Variants in ITM2A observed in about 807,000 individuals in gnomAD.
ITM2A encodes integral membrane protein 2A.
In ITM2A, 11 loss-of-function variants were observed where a neutral mutation model predicts 16.6. That is an observed-to-expected ratio of 0.66 (90% CI 0.42 to 1.10). The LOEUF (loss-of-function observed/expected upper bound fraction) is 1.10. Among genes scored for constraint, ITM2A ranks in the 50% least tolerant of loss-of-function variants. ITM2A has a pLI of 0.00. For missense variants in ITM2A, 243 were observed against 206.8 expected (o/e 1.17, Z -1.07); for synonymous variants, 102 against 71.2 (o/e 1.43, Z -2.18).
chrX:79,362,508 A>AT (rs1286201686), intron 4 of ITM2A, 73 bp downstream of exon 4: 10 of 551,869 alleles, frequency 1.8e-5, no homozygotes, highest in South Asian at 1.1e-4. Flanking sequence ...CAAATTCATT[A>AT]TTTTTTTAAA....
At position 79,361,389 on chromosome X, in the gene ITM2A, T is replaced by G; in HGVS notation, c.643A>C (p.Ile215Leu). 10 of 1,208,615 alleles carry G rather than the reference T, an allele frequency of 8.3e-6. No homozygotes were observed. The highest frequency in any genetic ancestry group is 1.1e-5 in the Non-Finnish European group (10 of 892,716). The change falls in exon 5 of 6, where the codon ATT (isoleucine) becomes CTT (leucine). Residue 215 changes from isoleucine to leucine, a missense_variant. Coordinates refer to ENST00000373298, the MANE Select transcript of ITM2A (RefSeq NM_004867.5). ...TTTCTGTTATTGCAAAGTTGGTAAATAAAGATGCCAAGGTTACTAACATCA... is the reference window on the plus strand; with the variant it reads ...TTTCTGTTATTGCAAAGTTGGTAAAGAAAGATGCCAAGGTTACTAACATCA... ...IRDVSNLGIF[I>L]YQLCNNRKSF...
Position 79,363,118 on chromosome X carries a change from T to A in ITM2A, c.265A>T (p.Met89Leu), listed in dbSNP as rs1175760518. The A allele has an allele frequency of 1.7e-6, 2 of 1,206,299 alleles. No individual in the cohort carries two copies. Among genetic ancestry groups the A allele is most frequent in the Admixed American group, 2.2e-5 (1 of 45,562 alleles). Residue 89 changes from methionine (M) to leucine (L), a missense_variant, in exon 3 of 6, where the codon ATG (methionine) becomes TTG (leucine). Met to Leu is a conservative substitution (Grantham distance 15). Coordinates refer to ENST00000373298, the MANE Select transcript of ITM2A (RefSeq NM_004867.5). ...GGATCCTCAGAATCAAAAAAGCACA[T>A]CTCTCCACGGTAAATGGTGCTCTAA... ...MPKSTIYRGE[M>L]CFFDSEDPAN...
chrX:79,362,503 T>A, intron 4 of ITM2A, 78 bp downstream of exon 4: 1 of 525,012 alleles, frequency 1.9e-6, no homozygotes, highest in Non-Finnish European at 3.1e-6. Flanking sequence ...TTGGACAAAT[T>A]CATTATTTTT....
rs1240620199 is a variant in ITM2A at position 79,363,155 on chromosome X, G to C, written c.244-16C>G. On this transcript the variant is annotated splice_polypyrimidine_tract_variant and intron_variant, in intron 2 of 5. Transcript: ENST00000373298. ...AAATGGTGCTCTAAAAGACAAAAAGGGAAAATTACAACCTTCTAATAATCA... is the reference window on the plus strand; with the variant it reads ...AAATGGTGCTCTAAAAGACAAAAAGCGAAAATTACAACCTTCTAATAATCA... 2.6e-6 allele frequency: 3 copies of C among 1,150,917 alleles called. No homozygotes were observed. In the Admixed American group the frequency reaches 6.9e-5, roughly 27 times the overall value. The allele number at this position is 1,150,917 out of a possible 1,213,427, so 94.8% of individuals were successfully genotyped here.
In ITM2A at chrX:79,367,295, G is replaced by T. The variant is rs1925610655; in HGVS notation, c.-80C>A. 1 of 595,939 alleles carries T rather than the reference G, an allele frequency of 1.7e-6. No individual in the cohort carries two copies. Among genetic ancestry groups the T allele is most frequent in the East Asian group, 3.6e-5 (1 of 27,656 alleles). The allele number at this position is 595,939 out of a possible 1,213,427, so 49.1% of individuals were successfully genotyped here. A position where few individuals can be genotyped will look rare whatever the true frequency, so the allele number is the denominator to read the frequency against. On this transcript the variant is annotated 5_prime_UTR_variant, in exon 1 of 6. Transcript: ENST00000373298. ...CAGACTGCAAGAGGAGATCCTGTTA[G>T]CCCAAACAGCACTTACTTTATCTTC...
rs1341501341 is a variant in ITM2A at position 79,361,342 on chromosome X, T to A, written c.690A>T (p.Arg230Ser). Residue 230 changes from arginine (R) to serine (S), a missense_variant, in exon 5 of 6, where the codon AGA becomes AGT. Coordinates refer to ENST00000373298, the MANE Select transcript of ITM2A (RefSeq NM_004867.5). ...TTAGTTACTTACCCAGCAAGAGGTCTCTGCGACGAAGGCGGAAGGACTTTC... is the reference window on the plus strand; with the variant it reads ...TTAGTTACTTACCCAGCAAGAGGTCACTGCGACGAAGGCGGAAGGACTTTC... The part of the protein sequence containing the change: ...NNRKSFRLRR[R>S]DLLLGFNKRA... The A allele has an allele frequency of 8.3e-7, 1 of 1,207,933 alleles. No homozygotes were observed. The highest frequency in any genetic ancestry group is 2.2e-5 in the Admixed American group (1 of 45,736).
In ITM2A at chrX:79,366,845, ACTCT is replaced by A. The variant is rs1364404215; in HGVS notation, c.111+256_111+259del. On this transcript the variant is annotated intron_variant, in intron 1 of 5. Transcript: ENST00000373298. ...AAGGAGTCCCAGGGCATCTCCTCAA[ACTCT>A]CTCTGACCTCCCTCCAGGACAGCTG... The A allele has an allele frequency of 1.2e-5, 4 of 321,753 alleles. No homozygotes were observed. The East Asian group carries it at 1.8e-4, about 14-fold the overall frequency. 26.5% of individuals were successfully genotyped at this position (321,753 alleles called of 1,213,427 possible). A position where few individuals can be genotyped will look rare whatever the true frequency, so the allele number is the denominator to read the frequency against.
intron 1 of ITM2A, among the ~76,000 whole-genome samples, chrX:79,365,965 A>T (rs1925561361): frequency 8.9e-6 from 1 of 112,433 alleles, no homozygotes; most frequent in Admixed American, 9.4e-5. Flanking sequence ...TACTACATGG[A>T]TTCTCATTTA....
chrX:79,361,349 C>T lies in ITM2A; in HGVS notation c.683G>A (p.Arg228His), dbSNP rs781631383. The T allele has an allele frequency of 6.6e-6, 8 of 1,208,018 alleles. No individual in the cohort carries two copies. Among genetic ancestry groups the T allele is most frequent in the South Asian group, 3.5e-5 (2 of 56,565 alleles). Reference protein sequence around the residue: ...LCNNRKSFRLRRRDLLLGFNK... With the variant: ...LCNNRKSFRLHRRDLLLGFNK... ...CTTACCCAGCAAGAGGTCTCTGCGA[C>T]GAAGGCGGAAGGACTTTCTGTTATT... The change falls in exon 5 of 6, where the codon CGT becomes CAT. Residue 228 changes from arginine to histidine, a missense_variant. Transcript: ENST00000373298.
rs1396034724 is a variant in ITM2A at position 79,360,918 on chromosome X, AT to A, written c.*170del. 14 of 278,021 alleles carry A rather than the reference AT, an allele frequency of 5.0e-5. No homozygotes were observed. The highest frequency in any genetic ancestry group is 3.5e-4 in the African/African-American group (12 of 34,049). The allele number at this position is 278,021 out of a possible 1,213,427, so 22.9% of individuals were successfully genotyped here. A position where few individuals can be genotyped will look rare whatever the true frequency, so the allele number is the denominator to read the frequency against. ...AACAAGCAATGCCAATTAAACTAAAATTTGACAAGAGCTTGCAGTGGTTAGT... is the reference window on the plus strand; with the variant it reads ...AACAAGCAATGCCAATTAAACTAAAATTGACAAGAGCTTGCAGTGGTTAGT... On this transcript the variant is annotated 3_prime_UTR_variant, in exon 6 of 6. Coordinates refer to ENST00000373298, the MANE Select transcript of ITM2A (RefSeq NM_004867.5).
At chrX:79,361,585 G>T in intron 4 of ITM2A, 106 bp from the exon 5 acceptor site, 1 of 650,750 alleles carries the variant, frequency 1.5e-6, no homozygotes, top group Non-Finnish European at 2.3e-6. Flanking sequence ...GTTGTGTCAT[G>T]GGGTTTGTTG....
At position 79,362,972 on chromosome X, in the gene ITM2A, G is replaced by A. The variant is rs1207090665; in HGVS notation, c.411C>T (p.Asp137=). 8.3e-7 allele frequency: 1 copy of A among 1,203,039 alleles called. No homozygotes were observed. Among genetic ancestry groups the A allele is most frequent in the African/African-American group, 1.8e-5 (1 of 56,785 alleles). The change falls in exon 3 of 6, where the codon GAC becomes GAT. Residue 137 remains aspartate (D), a synonymous_variant. Transcript: ENST00000373298. Reference sequence around the variant, plus strand: ...CAAAGTCATGAATAATTGCTGCAGGGTCACTATCAGAGAAACTGGGGACAG... The same window carrying A: ...CAAAGTCATGAATAATTGCTGCAGGATCACTATCAGAGAAACTGGGGACAG... The part of the protein sequence containing the change: ...DVPVPSFSDS[D]PAAIIHDFEK...
chrX:79,364,379 C>A (rs1925516432), intron 1 of ITM2A, among the ~76,000 whole-genome samples: 1 of 111,923 alleles, frequency 8.9e-6, no homozygotes, highest in East Asian at 2.8e-4. Flanking sequence ...TAGCTAGACA[C>A]AAAAGTTGTC....
intron 1 of ITM2A, among the ~76,000 whole-genome samples, chrX:79,366,406 T>A (rs1925576454): frequency 9.0e-6 from 1 of 111,324 alleles, no homozygotes; most frequent in South Asian, 3.8e-4. Context: ...TCTAAAAATA[T>A]ACAAGGCTCT....
At chrX:79,362,472 A>C in intron 4 of ITM2A, 109 bp downstream of exon 4, 1 of 437,734 alleles carries the variant, frequency 2.3e-6, no homozygotes, top group Non-Finnish European at 3.9e-6. Context: ...TTTCAAAATT[A>C]TTTCAATAAA....
Position 79,363,147 on chromosome X carries a change from AC to A in ITM2A, c.244-9del. On this transcript the variant is annotated splice_polypyrimidine_tract_variant and intron_variant, in intron 2 of 5. Transcript: ENST00000373298. ...TCCACGGTAAATGGTGCTCTAAAAG[AC>A]AAAAAGGGAAAATTACAACCTTCTA... 8.5e-7 allele frequency: 1 copy of A among 1,177,821 alleles called. No homozygotes were observed. Among genetic ancestry groups the A allele is most frequent in the Non-Finnish European group, 1.2e-6 (1 of 869,057 alleles).
chrX:79,362,509 T>C (rs1390644409), intron 4 of ITM2A, 72 bp downstream of exon 4: 2 of 558,674 alleles, frequency 3.6e-6, no homozygotes, highest in Non-Finnish European at 5.7e-6. Flanking sequence ...AAATTCATTA[T>C]TTTTTTAAAA....
intron 2 of ITM2A, 61 bp from the exon 3 acceptor site, chrX:79,363,200 G>A: frequency 1.1e-6 from 1 of 945,639 alleles, no homozygotes. Flanking sequence ...TATTTGAATG[G>A]CTTTTCACAC....
intron 1 of ITM2A, among the ~76,000 whole-genome samples, chrX:79,365,422 C>T (rs1051488083): frequency 9.0e-6 from 1 of 111,507 alleles, no homozygotes; most frequent in Admixed American, 9.5e-5. Flanking sequence ...ATTTGTCATG[C>T]TCAACCTCTA....
Sources: allele counts gnomAD v4.1 joint callset (sites outside exome capture counted in the v4.1 genomes callset), GRCh38; gene constraint gnomAD v4.1.1; transcripts MANE v1.5; gene names NCBI Gene and HGNC (gene_info 2026-07-23, HGNC 2026-07-21).